CRADD: variants seen among roughly 807,000 people sequenced by gnomAD.
The protein encoded by CRADD is death domain-containing protein CRADD.
A neutral mutation model predicts 15.5 loss-of-function variants in CRADD; 9 were observed. The observed-to-expected ratio is 0.58, with a 90% confidence interval of 0.35 to 1.01. The LOEUF is 1.01. Among genes scored for constraint, CRADD ranks in the 50% least tolerant of loss-of-function variants. The probability of loss-of-function intolerance (pLI) is 0.02; values close to 1 mark genes in which losing one functional copy is unlikely to be tolerated. For missense variants in CRADD, 227 were observed against 250.3 expected (o/e 0.91, Z 0.63); for synonymous variants, 118 against 107.6 (o/e 1.10, Z -0.60).
At chr12:93,832,322 C>G (rs994818288) in intron 2 of CRADD, among the ~76,000 whole-genome samples, 2 of 152,136 alleles carry the variant, frequency 1.3e-5, no homozygotes, top group Admixed American at 6.5e-5. Context: ...TGCGTGACAT[C>G]CATACTTTTT....
At chr12:93,766,230 C>T (rs958918581) in intron 2 of CRADD, among the ~76,000 whole-genome samples, 2 of 152,116 alleles carry the variant, frequency 1.3e-5, no homozygotes, top group Admixed American at 6.5e-5. Context: ...TCTCCCCAAG[C>T]GTTCCTTAGT....
intron 2 of CRADD, among the ~76,000 whole-genome samples, chr12:93,697,752 A>C (rs1316970834): frequency 1.3e-5 from 2 of 152,198 alleles, no homozygotes; most frequent in Non-Finnish European, 2.9e-5. Flanking sequence ...ACAGATAAAC[A>C]AGAGCAAGCA....
At chr12:93,860,772 C>G (rs189356240) in intron 2 of CRADD, among the ~76,000 whole-genome samples, 121 of 152,274 alleles carry the variant, frequency 7.9e-4, no homozygotes, top group African/African-American at 2.5e-3. Flanking sequence ...AATGGAAAAC[C>G]AACTCAATGT....
chr12:93,801,141 A>G (rs1314411976), intron 2 of CRADD, among the ~76,000 whole-genome samples: 1 of 152,228 alleles, frequency 6.6e-6, no homozygotes, highest in Non-Finnish European at 1.5e-5. Flanking sequence ...CCCATGTGTA[A>G]TGATCATAGA....
intron 2 of CRADD, among the ~76,000 whole-genome samples, chr12:93,785,784 A>G (rs1957272067): frequency 6.6e-6 from 1 of 152,220 alleles, no homozygotes; most frequent in Admixed American, 6.5e-5. Context: ...TCTGAGTAGC[A>G]GAGCAGACAA....
At chr12:93,816,829 C>T (rs533326336) in intron 2 of CRADD, among the ~76,000 whole-genome samples, 1 of 152,270 alleles carries the variant, frequency 6.6e-6, no homozygotes, top group African/African-American at 2.4e-5. Flanking sequence ...ACTCCCTGCA[C>T]TCGTCTGTGC....
exon 3 of CRADD, chr12:93,894,587 G>A (rs534239993): frequency 2.5e-5 from 4 of 157,484 alleles, no homozygotes; most frequent in Admixed American, 6.1e-5. Context: ...CGGGACATGC[G>A]GTGCATCAGC....
intron 2 of CRADD, among the ~76,000 whole-genome samples, chr12:93,713,777 A>G (rs943311911): frequency 6.6e-6 from 1 of 152,206 alleles, no homozygotes; most frequent in South Asian, 2.1e-4. Flanking sequence ...TAATGTAAAT[A>G]TCTCATGATT....
intron 2 of CRADD, among the ~76,000 whole-genome samples, chr12:93,864,600 A>G (rs1958347952): frequency 6.6e-6 from 1 of 152,238 alleles, no homozygotes; most frequent in Admixed American, 6.5e-5. Context: ...AGTGAGGGTC[A>G]CTTGGCATTT....
intron 2 of CRADD, among the ~76,000 whole-genome samples, chr12:93,857,970 A>G (rs769488201): frequency 6.6e-5 from 10 of 152,362 alleles, no homozygotes; most frequent in South Asian, 6.2e-4. Flanking sequence ...TTTTTGTCCA[A>G]CCATCTGCTT....
intron 2 of CRADD, among the ~76,000 whole-genome samples, chr12:93,841,493 C>T (rs1316184660): frequency 6.6e-6 from 1 of 152,178 alleles, no homozygotes; most frequent in East Asian, 1.9e-4. Context: ...ACCTGTAAAG[C>T]CATCTGGGCC....
At chr12:93,872,259 A>C (rs1451242177) in intron 2 of CRADD, among the ~76,000 whole-genome samples, 1 of 152,102 alleles carries the variant, frequency 6.6e-6, no homozygotes, top group Non-Finnish European at 1.5e-5. Context: ...TGAATGAATT[A>C]TTAGATTTTT....
intron 2 of CRADD, among the ~76,000 whole-genome samples, chr12:93,804,552 C>T (rs367946455): frequency 2.6e-5 from 4 of 152,002 alleles, no homozygotes; most frequent in East Asian, 1.9e-4. Context: ...GGGTGTCTGC[C>T]GGAGTCATGG....
At chr12:93,877,185 A>G (rs1437455085) in intron 2 of CRADD, among the ~76,000 whole-genome samples, 1 of 152,220 alleles carries the variant, frequency 6.6e-6, no homozygotes, top group Non-Finnish European at 1.5e-5. Flanking sequence ...CCTTGTTCAG[A>G]GCCACCTAAA....
At chr12:93,829,907 G>C (rs1469642643) in intron 2 of CRADD, among the ~76,000 whole-genome samples, 1 of 152,048 alleles carries the variant, frequency 6.6e-6, no homozygotes, top group Non-Finnish European at 1.5e-5. Context: ...TGGCAGGGTG[G>C]TCCTGAACTC....
intron 2 of CRADD, among the ~76,000 whole-genome samples, chr12:93,833,874 T>C (rs892335111): frequency 2.6e-5 from 4 of 152,196 alleles, no homozygotes; most frequent in African/African-American, 9.7e-5. Context: ...GTTCACCCAG[T>C]TTTCTTCCTC....
At chr12:93,694,041 G>A (rs759463396) in intron 2 of CRADD, among the ~76,000 whole-genome samples, 11 of 152,004 alleles carry the variant, frequency 7.2e-5, no homozygotes, top group Non-Finnish European at 1.2e-4. Flanking sequence ...GAAAATTACA[G>A]ACCAATATTC....
chr12:93,880,407 G>T (rs888872639), intron 2 of CRADD, among the ~76,000 whole-genome samples: 4 of 152,124 alleles, frequency 2.6e-5, no homozygotes, highest in Non-Finnish European at 5.9e-5. Context: ...ATTGGTTCTG[G>T]CTCTGTAACT....
chr12:93,756,624 T>C (rs1323731128), intron 2 of CRADD, among the ~76,000 whole-genome samples: 3 of 152,224 alleles, frequency 2.0e-5, no homozygotes, highest in Non-Finnish European at 1.5e-5. Context: ...GTGTAGTAGA[T>C]GCTCAATAAA....
Sources: allele counts gnomAD v4.1 joint callset (sites outside exome capture counted in the v4.1 genomes callset), GRCh38; gene constraint gnomAD v4.1.1; transcripts MANE v1.5; gene names NCBI Gene and HGNC (gene_info 2026-07-23, HGNC 2026-07-21).